Variants in RUVBL1 observed in about 807,000 individuals in gnomAD.
The protein encoded by RUVBL1 is ruvB-like 1.
In RUVBL1, 4 loss-of-function variants were observed where a neutral mutation model predicts 52.4. That is an observed-to-expected ratio of 0.08 (90% CI 0.04 to 0.17). RUVBL1 has a LOEUF of 0.17. RUVBL1 is among the 10% of genes least tolerant of loss of function. RUVBL1 has a pLI of 1.00. For synonymous variants in RUVBL1, 217 were observed against 214.4 expected (o/e 1.01, Z -0.10); for missense variants, 298 against 572.8 (o/e 0.52, Z 4.90).
chr3:128,068,608 T>A (rs1942057024), intron 9 of RUVBL1: 2 of 153,660 alleles, frequency 1.3e-5, no homozygotes, highest in Admixed American at 1.3e-4. Flanking sequence ...GAAACCACGC[T>A]AGAGAGGGAG....
At chr3:128,104,126 A>C (rs181475123) in intron 4 of RUVBL1, among the ~76,000 whole-genome samples, 1 of 152,364 alleles carries the variant, frequency 6.6e-6, no homozygotes, top group East Asian at 1.9e-4. Context: ...TTAAGGACTT[A>C]GACTCCAAAA....
Position 128,082,276 on chromosome 3 carries a change from C to T in RUVBL1, c.1211+207G>A, listed in dbSNP as rs1033484863. ...GAGCATCTGCTGCAGGACATGGGGA[C>T]TTCACCCTTACTCTAGCTTGTTAAA... On this transcript the variant is annotated intron_variant, in intron 10 of 10. Coordinates refer to ENST00000322623, the MANE Select transcript of RUVBL1 (RefSeq NM_003707.3). This position sits in a 1 kb window ranked among gnomAD's most constrained non-coding sequence, Gnocchi z 4.7. 1 of 539,048 alleles carries T rather than the reference C, an allele frequency of 1.9e-6. No homozygotes were observed. The highest frequency in any genetic ancestry group is 2.0e-5 in the South Asian group (1 of 49,064). 33.4% of individuals were successfully genotyped at this position (539,048 alleles called of 1,614,324 possible). A position where few individuals can be genotyped will look rare whatever the true frequency, so the allele number is the denominator to read the frequency against.
intron 1 of RUVBL1, among the ~76,000 whole-genome samples, chr3:128,150,881 A>C (rs1329508272): frequency 1.3e-5 from 1 of 76,092 alleles, no homozygotes; most frequent in Non-Finnish European, 2.2e-5. Flanking sequence ...TATATATTCT[A>C]TATATATATT....
At chr3:128,146,415 T>C (rs926549152) in intron 1 of RUVBL1, among the ~76,000 whole-genome samples, 15 of 151,888 alleles carry the variant, frequency 9.9e-5, no homozygotes, top group African/African-American at 3.6e-4. Flanking sequence ...TCTGTGTGTG[T>C]GTCTCTGTGC....
chr3:128,101,492 C>T, intron 5 of RUVBL1, 67 bp downstream of exon 5: 2 of 1,471,400 alleles, frequency 1.4e-6, no homozygotes, highest in East Asian at 4.5e-5. Flanking sequence ...AAGCAACTCC[C>T]TTGTCACTTA....
rs747149127 is a variant in RUVBL1, at chr3:128,082,577, T to G, written c.1120-3A>C. 6.2e-7 allele frequency: 1 copy of G among 1,609,334 alleles called. No homozygotes were observed. ...GTCTGGGCACGGATTTTAATGATCT[T>G]TTAAAGGATAAAAAACATGATCAAC... On this transcript the variant is annotated splice_polypyrimidine_tract_variant and splice_region_variant and intron_variant, in intron 9 of 10. Transcript: ENST00000322623. This position sits in a 1 kb window ranked among gnomAD's most constrained non-coding sequence, Gnocchi z 4.7.
At chr3:128,087,583 T>C (rs1942688858) in intron 9 of RUVBL1, 123 bp downstream of exon 9, 3 of 663,458 alleles carry the variant, frequency 4.5e-6, no homozygotes. Flanking sequence ...TCGAGGCCAG[T>C]AGCTAAGTGG....
intron 9 of RUVBL1, chr3:128,068,209 A>C (rs1019643658): frequency 4.7e-6 from 3 of 637,992 alleles, no homozygotes; most frequent in African/African-American, 1.8e-5. Context: ...TATATTTATA[A>C]ACTTGCTAAG....
chr3:128,132,668 G>A lies in RUVBL1; in HGVS notation c.-39-13254C>T, dbSNP rs1291749709. ...CAAAAGAGAATGCAGCGTCTTGAAG[G>A]AGGAAAACCCAGACTTGGCAGGATT... On this transcript the variant is annotated intron_variant, in intron 1 of 9. Coordinates refer to the RUVBL1 transcript ENST00000464873. Among the ~76,000 whole-genome samples, 3 of 152,168 alleles carry A rather than the reference G, an allele frequency of 2.0e-5. No homozygotes were observed. The East Asian group carries it at 5.8e-4, about 29-fold the overall frequency.
chr3:128,067,178 AG>A lies in RUVBL1; in HGVS notation c.940-1959del. On this transcript the variant is annotated intron_variant, in intron 9 of 9. Coordinates refer to the RUVBL1 transcript ENST00000464873. This position sits in a 1 kb window ranked among gnomAD's most constrained non-coding sequence, Gnocchi z 4.1. ...TAAGTAGGCTCTTTGAAGATGAGCT[AG>A]CAATGCAGCTAAGTTGCAGTGGTTT... 1 of 1,594,266 alleles carries A rather than the reference AG, an allele frequency of 6.3e-7. No individual in the cohort carries two copies. The highest frequency in any genetic ancestry group is 8.6e-7 in the Non-Finnish European group (1 of 1,161,974).
Position 128,065,368 on chromosome 3 carries a change from T to C in RUVBL1, c.940-148A>G, listed in dbSNP as rs1941934988. The C allele has an allele frequency of 8.8e-6, 5 of 568,246 alleles. No individual in the cohort carries two copies. The East Asian group carries it at 1.4e-4, about 16-fold the overall frequency. 35.2% of individuals were successfully genotyped at this position (568,246 alleles called of 1,614,324 possible). On this transcript the variant is annotated intron_variant, in intron 9 of 9. Transcript: ENST00000464873. ...CTCTAGCTCTGAAACCTCATTGCTC[T>C]CTTATAGAAAGTTTGTATGATATTT...
intron 1 of RUVBL1, among the ~76,000 whole-genome samples, chr3:128,129,467 T>C (rs1327306497): frequency 6.6e-6 from 1 of 151,844 alleles, no homozygotes. Context: ...AAGAAAGATC[T>C]CAAATTCATA....
rs535682052 is a variant in RUVBL1 at position 128,081,453 on chromosome 3, C to G, written c.1212-44G>C. The G allele has an allele frequency of 2.9e-5, 46 of 1,577,678 alleles. No individual in the cohort carries two copies. In the East Asian group the frequency reaches 8.3e-4, roughly 29 times the overall value. The stretch of plus-strand genomic sequence containing the variant: ...AGGGCTGGAGTGAAACTGGGGCCAC[C>G]GAAGAAAGCACCTTCCCCCCACATC... On this transcript the variant is annotated intron_variant, in intron 10 of 10. Coordinates refer to ENST00000322623, the MANE Select transcript of RUVBL1 (RefSeq NM_003707.3). The surrounding 1 kb of genome is among the most constrained non-coding windows in gnomAD (Gnocchi z 4.8).
At chr3:128,106,577 C>T (rs1420899922) in intron 3 of RUVBL1, among the ~76,000 whole-genome samples, 1 of 152,178 alleles carries the variant, frequency 6.6e-6, no homozygotes, top group Non-Finnish European at 1.5e-5. Context: ...CCTTGCCTAC[C>T]CCTCTGCAGA....
At chr3:128,123,502 GCC>G in intron 1 of RUVBL1, 80 bp downstream of exon 1, 1 of 1,382,252 alleles carries the variant, frequency 7.2e-7, no homozygotes, top group Non-Finnish European at 9.5e-7. Flanking sequence ...CGCGCATCCC[GCC>G]CCGAGCCACC....
chr3:128,104,507 T>C (rs1381959915), intron 4 of RUVBL1, among the ~76,000 whole-genome samples: 1 of 152,232 alleles, frequency 6.6e-6, no homozygotes, highest in Non-Finnish European at 1.5e-5. Context: ...AGGCAGTTTC[T>C]TGACTTAACC....
intron 3 of RUVBL1, among the ~76,000 whole-genome samples, chr3:128,111,176 G>C (rs6439114): frequency 0.11 from 16,494 of 148,106 alleles, 2,273 homozygotes; most frequent in East Asian, 0.35. Context: ...AGTGAGCTGA[G>C]ATCACGCCAC....
At chr3:128,140,346 G>A (rs1253833686) in intron 1 of RUVBL1, among the ~76,000 whole-genome samples, 1 of 132,138 alleles carries the variant, frequency 7.6e-6, no homozygotes, top group Non-Finnish European at 1.6e-5. Flanking sequence ...TTACTCAGGG[G>A]TGGGGCTGCT....
At chr3:128,097,701 C>A (rs999777673) in intron 7 of RUVBL1, among the ~76,000 whole-genome samples, 3 of 152,178 alleles carry the variant, frequency 2.0e-5, no homozygotes, top group Admixed American at 2.0e-4. Flanking sequence ...TAAAAGGTCA[C>A]AAAATTGGCA....
Sources: gnomAD v4.1 joint callset for allele counts (sites outside exome capture counted in the v4.1 genomes callset) on GRCh38, gnomAD v4.1.1 for gene constraint, Gnocchi (gnomAD v3.1) non-coding constraint, MANE v1.5 for transcripts, NCBI Gene and HGNC (gene_info 2026-07-23, HGNC 2026-07-21) for gene names.